The following AP3D1 variants were observed in gnomAD, a reference collection of about 807,000 sequenced individuals.
The protein encoded by AP3D1 is adaptor related protein complex 3 subunit delta 1.
Under a neutral mutation model 147.6 loss-of-function variants are expected in AP3D1, and 51 were observed. That is an observed-to-expected ratio of 0.35 (90% CI 0.28 to 0.44). The LOEUF (loss-of-function observed/expected upper bound fraction) is 0.44, where lower values mean the gene tolerates loss of function less well. Among genes scored for constraint, AP3D1 ranks in the 20% least tolerant of loss-of-function variants. The pLI, the probability that AP3D1 is intolerant of heterozygous loss-of-function variation, is 1.00. For synonymous variants in AP3D1, 760 were observed against 663.0 expected (o/e 1.15, Z -2.25); for missense variants, 1,421 against 1,624.2 (o/e 0.87, Z 2.15).
intron 6 of AP3D1, among the ~76,000 whole-genome samples, chr19:2,129,816 T>G (rs568953282): frequency 5.8e-4 from 88 of 152,340 alleles, no homozygotes; most frequent in African/African-American, 2.1e-3. Flanking sequence ...GGAGTCTTCC[T>G]GCTGCATCCA....
chr19:2,114,293 G>A lies in AP3D1; in HGVS notation c.2433C>T (p.Ala811=), dbSNP rs370880673. ...ALDIDLDKPL[A]DSEKLPIQKH... is the part of the protein sequence containing the mutation. ...TCTGAATAGGCAGTTTCTCGCTGTC[G>A]GCTAAGGGCCTGGAGGAGGAATGAC... Residue 811 remains alanine, a synonymous_variant, in exon 22 of 32, where the codon GCC becomes GCT. Coordinates refer to ENST00000643116, the MANE Select transcript of AP3D1 (RefSeq NM_001261826.3). 23 of 1,610,876 alleles carry A rather than the reference G, an allele frequency of 1.4e-5. No homozygotes were observed. Among genetic ancestry groups the A allele is most frequent in the South Asian group, 4.4e-5 (4 of 90,972 alleles).
chr19:2,125,278 C>T (rs76374432), intron 9 of AP3D1, among the ~76,000 whole-genome samples: 2,748 of 152,186 alleles, frequency 0.018, 91 homozygotes, highest in African/African-American at 0.063. Flanking sequence ...TCAGAAATGT[C>T]ACACCCAATC....
intron 31 of AP3D1, among the ~76,000 whole-genome samples, chr19:2,103,255 C>T (rs895467864): frequency 2.0e-5 from 3 of 151,664 alleles, no homozygotes; most frequent in Admixed American, 6.6e-5. Context: ...GGTGAGGGAG[C>T]GGCCCAAGGC....
chr19:2,108,573 A>G, intron 31 of AP3D1, 114 bp downstream of exon 31: 1 of 935,692 alleles, frequency 1.1e-6, no homozygotes, highest in South Asian at 1.6e-5. Context: ...CAGTGCTGCC[A>G]TCACTGTCCT....
At chr19:2,135,422 G>A (rs2019051069) in intron 4 of AP3D1, among the ~76,000 whole-genome samples, 1 of 151,970 alleles carries the variant, frequency 6.6e-6, no homozygotes, top group Admixed American at 6.6e-5. Flanking sequence ...TGTAATTCCA[G>A]CTACTCGGGA....
intron 18 of AP3D1, 81 bp downstream of exon 18, chr19:2,116,126 C>T (rs749390943): frequency 5.5e-5 from 80 of 1,444,922 alleles, no homozygotes; most frequent in Admixed American, 2.8e-4. Flanking sequence ...TGAGGGAACC[C>T]GAAACTCAGA....
intron 1 of AP3D1, among the ~76,000 whole-genome samples, chr19:2,158,556 C>T (rs1443920427): frequency 2.0e-5 from 3 of 151,948 alleles, no homozygotes; most frequent in East Asian, 1.9e-4. Flanking sequence ...TGTCCTCCCA[C>T]CTTGGCCTCC....
At chr19:2,136,230 C>T (rs779286447) in intron 4 of AP3D1, among the ~76,000 whole-genome samples, 8 of 152,262 alleles carry the variant, frequency 5.3e-5, no homozygotes, top group Non-Finnish European at 1.0e-4. Context: ...GGACCTGCAC[C>T]ACACCCTGTG....
chr19:2,161,628 C>G (rs1489498382), intron 1 of AP3D1, among the ~76,000 whole-genome samples: 3 of 151,796 alleles, frequency 2.0e-5, no homozygotes, highest in Non-Finnish European at 4.4e-5. Flanking sequence ...ACATGCAGAC[C>G]AAAGAGGAGT....
chr19:2,155,173 C>T (rs1195792433), upstream of AP3D1, among the ~76,000 whole-genome samples: 1 of 144,322 alleles, frequency 6.9e-6, no homozygotes, highest in African/African-American at 2.6e-5. Context: ...AAGAGCAAAA[C>T]TCTCTCAAAT....
chr19:2,162,040 T>G (rs1283273965), intron 1 of AP3D1, among the ~76,000 whole-genome samples: 1 of 148,398 alleles, frequency 6.7e-6, no homozygotes, highest in Non-Finnish European at 1.5e-5. Context: ...TGAGTTTTTT[T>G]TTTTTTTTTT....
At position 2,117,388 on chromosome 19, in the gene AP3D1, A is replaced by G. The variant is rs539207243; in HGVS notation, c.1714-21T>C. ...GACGCCTGTGGGGGACACAGGGGTCACTGCTGGCACCTGCCCGGAAGGCCA... is the reference window on the plus strand; with the variant it reads ...GACGCCTGTGGGGGACACAGGGGTCGCTGCTGGCACCTGCCCGGAAGGCCA... On this transcript the variant is annotated intron_variant, in intron 15 of 31. Coordinates refer to ENST00000643116, the MANE Select transcript of AP3D1 (RefSeq NM_001261826.3). 7.7e-6 allele frequency: 12 copies of G among 1,560,660 alleles called. No homozygotes were observed. The South Asian group carries it at 1.3e-4, about 17-fold the overall frequency.
At chr19:2,114,454 G>A (rs2018382291) in intron 21 of AP3D1, 152 bp from the exon 22 acceptor site, 1 of 715,676 alleles carries the variant, frequency 1.4e-6, no homozygotes, top group African/African-American at 1.8e-5. Flanking sequence ...ACTCAACACA[G>A]CCTGCTGGAG....
intron 9 of AP3D1, among the ~76,000 whole-genome samples, chr19:2,126,590 G>A (rs1222832270): frequency 2.0e-5 from 3 of 148,840 alleles, no homozygotes; most frequent in East Asian, 2.0e-4. Context: ...GGAGGCGGAG[G>A]TTGCAGTAAG....
At chr19:2,118,915 C>T (rs950302596) in intron 14 of AP3D1, 83 bp from the exon 15 acceptor site, 5 of 1,305,518 alleles carry the variant, frequency 3.8e-6, no homozygotes, top group Non-Finnish European at 5.3e-6. Context: ...GAGGCCTGGG[C>T]TCGTCACCAA....
At chr19:2,138,332 C>T (rs2019130722) in intron 2 of AP3D1, among the ~76,000 whole-genome samples, 1 of 152,240 alleles carries the variant, frequency 6.6e-6, no homozygotes, top group African/African-American at 2.4e-5. Context: ...GGAGCCGAGA[C>T]TGCAGGCGAG....
chr19:2,129,533 G>A lies in AP3D1; in HGVS notation c.593-76C>T, dbSNP rs540107176. ...CCATCCTACTGTCTTCCTGGCCCGC[G>A]AGGAAGTTCTGGGGCCTGCAGCAGC... On this transcript the variant is annotated intron_variant, in intron 6 of 31. Transcript: ENST00000643116. 4.1e-4 allele frequency: 619 copies of A among 1,519,636 alleles called. 1 individual carries two copies. The highest frequency in any genetic ancestry group is 2.8e-3 in the South Asian group (221 of 77,858). The allele number at this position is 1,519,636 out of a possible 1,614,324, so 94.1% of individuals were successfully genotyped here.
intron 1 of AP3D1, 32 bp downstream of exon 1, chr19:2,151,207 G>A: frequency 6.3e-7 from 1 of 1,594,068 alleles, no homozygotes; most frequent in African/African-American, 1.3e-5. Context: ...GCTGTGACCA[G>A]GCCGAGCAGC....
chr19:2,152,211 G>A (rs1427674133), upstream of AP3D1, among the ~76,000 whole-genome samples: 1 of 151,930 alleles, frequency 6.6e-6, no homozygotes, highest in Non-Finnish European at 1.5e-5. Context: ...CTGAGTCCCT[G>A]CCTTCCGAGA....
Sources: gnomAD v4.1 joint callset for allele counts (sites outside exome capture counted in the v4.1 genomes callset) on GRCh38, gnomAD v4.1.1 for gene constraint, MANE v1.5 for transcripts, NCBI Gene and HGNC (gene_info 2026-07-23, HGNC 2026-07-21) for gene names.